The following UPK1A variants were observed in gnomAD, a reference collection of about 807,000 sequenced individuals.
UPK1A encodes uroplakin-1a.
A neutral mutation model predicts 32.3 loss-of-function variants in UPK1A; 31 were observed. That is an observed-to-expected ratio of 0.96 (90% CI 0.72 to 1.30). The LOEUF is 1.30. UPK1A is among the 50% of genes most tolerant of loss of function. The probability of loss-of-function intolerance (pLI) is 0.00; values close to 1 mark genes in which losing one functional copy is unlikely to be tolerated. For synonymous variants in UPK1A, 135 were observed against 137.1 expected, an observed-to-expected ratio of 0.98 and a Z score of 0.11; for missense variants, 340 against 357.4, an observed-to-expected ratio of 0.95 and a Z score of 0.39.
chr19:35,671,486 CTTGCTCAG>C, intron 3 of UPK1A, among the ~76,000 whole-genome samples: 1 of 105,654 alleles, frequency 9.5e-6, no homozygotes, highest in East Asian at 3.2e-4. Flanking sequence ...GAGACGGAGT[CTTGCTCAG>C]TTGCCCAGGC....
rs184401337 is a variant in UPK1A at position 35,671,661 on chromosome 19, G to A, written c.286-1571G>A. On this transcript the variant is annotated intron_variant, in intron 3 of 7. Coordinates refer to ENST00000617999, the Ensembl canonical transcript of UPK1A. ...GTATTTTTAGTAGAGATGGGGTTTCGCCGTGTTAGCCAGGATGGTCTCGAT... is the reference window on the plus strand; with the variant it reads ...GTATTTTTAGTAGAGATGGGGTTTCACCGTGTTAGCCAGGATGGTCTCGAT... Among the ~76,000 whole-genome samples, 12 of 149,946 alleles carry A rather than the reference G, an allele frequency of 8.0e-5. No homozygotes were observed. In the East Asian group the frequency reaches 1.0e-3, roughly 13 times the overall value.
At chr19:35,668,292 C>T (rs1156961599) in intron 2 of UPK1A, 162 bp from the exon 3 acceptor site, 1 of 818,676 alleles carries the variant, frequency 1.2e-6, no homozygotes, top group East Asian at 2.7e-5. Flanking sequence ...TCTCTCCTGG[C>T]CTCTGCTCAC....
intron 2 of UPK1A, 120 bp downstream of exon 2, chr19:35,667,016 C>G: frequency 1.0e-6 from 1 of 984,480 alleles, no homozygotes; most frequent in Non-Finnish European, 1.6e-6. Context: ...GTGGTCAGCA[C>G]AGCCTGGGTT....
intron 3 of UPK1A, among the ~76,000 whole-genome samples, chr19:35,672,918 A>G (rs1477740834): frequency 2.6e-5 from 4 of 151,680 alleles, no homozygotes; most frequent in Non-Finnish European, 4.4e-5. Flanking sequence ...GGGTTTCACC[A>G]TGTTGGCCAG....
At chr19:35,678,311 T>G (rs1968214407) in exon 8 of UPK1A, 1 of 344,850 alleles carries the variant, frequency 2.9e-6, no homozygotes, top group East Asian at 4.5e-5. Context: ...GACCTCCTCC[T>G]TCATGGCAGG....
intron 2 of UPK1A, chr19:35,668,217 C>G: frequency 1.7e-6 from 1 of 588,116 alleles, no homozygotes; most frequent in Non-Finnish European, 3.0e-6. Flanking sequence ...CGTGGCATCC[C>G]CTTTTATCCC....
chr19:35,677,230 T>C (rs1216984644), intron 6 of UPK1A, among the ~76,000 whole-genome samples: 2 of 141,434 alleles, frequency 1.4e-5, no homozygotes, highest in African/African-American at 5.2e-5. Context: ...CAAGAGACTT[T>C]AAAAAAAAAA....
chr19:35,666,866 C>T (rs776296013), exon 2 of UPK1A: 3 of 1,614,058 alleles, frequency 1.9e-6, no homozygotes, highest in Non-Finnish European at 2.5e-6. Flanking sequence ...TTGTGGTGGG[C>T]CTGCTAGTTG....
chr19:35,671,402 T>A (rs1374702342), intron 3 of UPK1A, among the ~76,000 whole-genome samples: 18 of 116,756 alleles, frequency 1.5e-4, no homozygotes, highest in Admixed American at 5.4e-4. Context: ...AAAAAAAAAA[T>A]TGTGTCTGTT....
At chr19:35,676,861 T>C (rs1390601262) in intron 6 of UPK1A, among the ~76,000 whole-genome samples, 1 of 151,502 alleles carries the variant, frequency 6.6e-6, no homozygotes, top group East Asian at 2.0e-4. Context: ...ATTGTGCCAC[T>C]GCACCCCAGC....
intron 5 of UPK1A, 33 bp from the exon 6 acceptor site, chr19:35,675,807 C>G (rs766419398): frequency 5.7e-6 from 9 of 1,577,154 alleles, no homozygotes; most frequent in Admixed American, 3.5e-5. Context: ...TCTCTGAGCC[C>G]GAGCCTGCCT....
rs1968002315 is a variant in UPK1A at position 35,666,725 on chromosome 19, C to A, written c.-4-84C>A. 4.3e-6 allele frequency: 6 copies of A among 1,392,904 alleles called. No homozygotes were observed. The South Asian group carries it at 4.9e-5, about 11-fold the overall frequency. 86.3% of individuals were successfully genotyped at this position (1,392,904 alleles called of 1,614,324 possible). A position where few individuals can be genotyped will look rare whatever the true frequency, so the allele number is the denominator to read the frequency against. On this transcript the variant is annotated intron_variant, in intron 1 of 7. Transcript: ENST00000617999. ...GGCCCCGCAGAGAGCTGGAGCAACC[C>A]CTCGAAGCCAGGGTGTGGCTCAGAG...
rs925266985 is a variant in UPK1A at position 35,668,670 on chromosome 19, T to C, written c.285+16T>C. On this transcript the variant is annotated intron_variant, in intron 3 of 7. Coordinates refer to ENST00000617999, the Ensembl canonical transcript of UPK1A. ...GGTCCTCACGGTGAGACTCCAGGGG[T>C]TGGGGGATGGGGACACTGAAAACGG... 1.9e-6 allele frequency: 3 copies of C among 1,604,230 alleles called. No homozygotes were observed. In the African/African-American group the frequency reaches 4.0e-5, roughly 22 times the overall value.
chr19:35,669,532 A>G (rs1279149576), intron 3 of UPK1A, among the ~76,000 whole-genome samples: 1 of 151,148 alleles, frequency 6.6e-6, no homozygotes, highest in Admixed American at 6.6e-5. Flanking sequence ...TTAGCCACGC[A>G]TGGTGGCAGG....
exon 7 of UPK1A, chr19:35,677,836 G>T: frequency 6.2e-7 from 1 of 1,611,694 alleles, no homozygotes; most frequent in Non-Finnish European, 8.5e-7. Context: ...CATCGGCCAC[G>T]CCATCGACAG....
At chr19:35,666,986 C>A in intron 2 of UPK1A, 90 bp downstream of exon 2, 1 of 1,358,578 alleles carries the variant, frequency 7.4e-7, no homozygotes, top group Non-Finnish European at 1.0e-6. Context: ...GGGTCCAGAA[C>A]TGTCTCTCGG....
intron 3 of UPK1A, 63 bp from the exon 4 acceptor site, chr19:35,673,169 T>C: frequency 6.4e-7 from 1 of 1,554,766 alleles, no homozygotes. Context: ...CAGTGATGCT[T>C]CCCTGACGGG....
At chr19:35,673,157 C>A in intron 3 of UPK1A, 75 bp from the exon 4 acceptor site, 1 of 1,501,420 alleles carries the variant, frequency 6.7e-7, no homozygotes, top group Non-Finnish European at 9.2e-7. Context: ...CTTGCATTTC[C>A]CCAGTGATGC....
chr19:35,677,338 C>G (rs752505137), intron 6 of UPK1A, among the ~76,000 whole-genome samples: 22 of 151,374 alleles, frequency 1.5e-4, no homozygotes, highest in Non-Finnish European at 2.1e-4. Flanking sequence ...CCAGCCTGAC[C>G]AACATGGTGA....
Sources: gnomAD v4.1 joint callset for allele counts (sites outside exome capture counted in the v4.1 genomes callset) on GRCh38, gnomAD v4.1.1 for gene constraint, MANE v1.5 for transcripts, NCBI Gene and HGNC (gene_info 2026-07-23, HGNC 2026-07-21) for gene names.